MEGF6: variants seen among roughly 807,000 people sequenced by gnomAD.
The protein encoded by MEGF6 is multiple epidermal growth factor-like domains protein 6.
MEGF6 carries 184 observed loss-of-function variants against 207.1 expected under a neutral mutation model. The ratio of observed to expected loss-of-function variants is 0.89; its 90% confidence interval spans 0.79 to 1.00. The LOEUF is 1.00. MEGF6 is among the 50% of genes least tolerant of loss of function. The pLI is 0.00. For synonymous variants in MEGF6, 1,038 were observed against 910.0 expected (o/e 1.14, Z -2.53); for missense variants, 2,282 against 2,202.9 (o/e 1.04, Z -0.72).
intron 6 of MEGF6, 118 bp from the exon 7 acceptor site, chr1:3,514,790 A>G (rs1641480568): frequency 5.8e-6 from 7 of 1,202,050 alleles, no homozygotes; most frequent in Non-Finnish European, 7.9e-6. Flanking sequence ...TCTGTGCTCC[A>G]GGCTGATGGG....
chr1:3,583,943 C>T (rs541426645), intron 3 of MEGF6, among the ~76,000 whole-genome samples: 1 of 152,224 alleles, frequency 6.6e-6, no homozygotes, highest in African/African-American at 2.4e-5. Context: ...TGCAGCAGCC[C>T]GGCCTCCAGA....
Position 3,492,669 on chromosome 1 carries a change from CCA to C in MEGF6, c.4484_4485del (p.Val1495GlyfsTer71), listed in dbSNP as rs1412808605. 1.9e-6 allele frequency: 3 copies of C among 1,612,496 alleles called. No individual in the cohort carries two copies. The highest frequency in any genetic ancestry group is 1.3e-5 in the African/African-American group (1 of 74,910). On this transcript the variant is annotated frameshift_variant, in exon 35 of 37. Coordinates refer to ENST00000356575, the MANE Select transcript of MEGF6 (RefSeq NM_001409.4). LOFTEE classifies it high-confidence loss of function. Reference sequence around the variant, plus strand: ...CGGCACGTGGGCCCCATGTAGCCATCCACACAGTGACACTGCCCACTGACAGG... The same window carrying C: ...CGGCACGTGGGCCCCATGTAGCCATCCACAGTGACACTGCCCACTGACAGG... ...CDPVSGQCHC[V>X]DGYMGPTCRE... is the part of the protein sequence containing the mutation.
rs185308964 is a variant in MEGF6 at position 3,507,662 on chromosome 1, T to C, written c.1789+133A>G. 3.4e-6 allele frequency: 4 copies of C among 1,179,756 alleles called. No homozygotes were observed. The East Asian group carries it at 9.4e-5, about 28-fold the overall frequency. 73.1% of individuals were successfully genotyped at this position (1,179,756 alleles called of 1,614,324 possible). A position where few individuals can be genotyped will look rare whatever the true frequency, so the allele number is the denominator to read the frequency against. On this transcript the variant is annotated intron_variant, in intron 14 of 36. Coordinates refer to ENST00000356575, the MANE Select transcript of MEGF6 (RefSeq NM_001409.4). Reference sequence around the variant, plus strand: ...AGGGAGGCAGGAAGGAAAGGGAGTCTAGGAAAAGTTTGGTAGCAGTTTCCC... The same window carrying C: ...AGGGAGGCAGGAAGGAAAGGGAGTCCAGGAAAAGTTTGGTAGCAGTTTCCC...
At chr1:3,541,052 CG>C (rs928750634) in intron 4 of MEGF6, among the ~76,000 whole-genome samples, 3 of 152,160 alleles carry the variant, frequency 2.0e-5, no homozygotes, top group African/African-American at 7.2e-5. Flanking sequence ...GGTGTCAGGG[CG>C]GGGTGGGGCC....
intron 4 of MEGF6, among the ~76,000 whole-genome samples, chr1:3,534,317 T>A (rs1642262177): frequency 6.6e-6 from 1 of 152,248 alleles, no homozygotes; most frequent in Admixed American, 6.5e-5. Flanking sequence ...TTATGTTAAA[T>A]AAAATATACT....
intron 21 of MEGF6, 98 bp from the exon 22 acceptor site, chr1:3,500,022 G>A: frequency 7.0e-7 from 1 of 1,422,738 alleles, no homozygotes; most frequent in Non-Finnish European, 9.2e-7. Flanking sequence ...TGTGGGACAG[G>A]CCTGGCTCAT....
At position 3,511,550 on chromosome 1, in the gene MEGF6, C is replaced by T. The variant is rs750313582; in HGVS notation, c.1114G>A (p.Asp372Asn). Reference protein sequence around the residue: ...ELDTDQRTCIDVDDCADSPCC... With the variant: ...ELDTDQRTCINVDDCADSPCC... ...GCATCTGGGAGGAGCCAGTGCGCAC[C>T]GATGCAGGTCCTCTGATCTGTGTCC... is the stretch of plus-strand genomic sequence containing the variant. The change falls in exon 9 of 37, where the codon GAT (aspartate) becomes AAT (asparagine). Residue 372 changes from aspartate to asparagine, a missense_variant and splice_region_variant. By Grantham distance (23) the Asp-to-Asn change is conservative. Coordinates refer to ENST00000356575, the MANE Select transcript of MEGF6 (RefSeq NM_001409.4). The T allele has an allele frequency of 1.2e-5, 19 of 1,603,258 alleles. No homozygotes were observed. The highest frequency in any genetic ancestry group is 2.7e-5 in the African/African-American group (2 of 74,692).
In MEGF6 at chr1:3,501,774, TG is replaced by T. The variant is rs1640879248; in HGVS notation, c.2314+21del. ...GCCGTGCAGCCTGGGGAGGCGGAAC[TG>T]GGGCTGCGGCTGACACTCACCTGCC... On this transcript the variant is annotated intron_variant, in intron 18 of 36. Coordinates refer to ENST00000356575, the MANE Select transcript of MEGF6 (RefSeq NM_001409.4). 15 of 1,608,234 alleles carry T rather than the reference TG, an allele frequency of 9.3e-6. No homozygotes were observed. The East Asian group carries it at 3.4e-4, about 36-fold the overall frequency.
At chr1:3,515,354 G>A in intron 6 of MEGF6, 48 bp downstream of exon 6, 1 of 1,573,658 alleles carries the variant, frequency 6.4e-7, no homozygotes, top group Non-Finnish European at 8.6e-7. Flanking sequence ...GAGGCAGCTT[G>A]TCCTGCCTCC....
intron 29 of MEGF6, 88 bp downstream of exon 29, chr1:3,496,567 A>G: frequency 1.3e-6 from 2 of 1,523,736 alleles, no homozygotes; most frequent in Non-Finnish European, 1.8e-6. Context: ...GGAGGTGGGC[A>G]GTCGGGGGCC....
chr1:3,495,533 G>A lies in MEGF6; in HGVS notation c.3871+357C>T, dbSNP rs184002362. ...AAAGGGCCAGAAGGACTCCACCCTC[G>A]GGCAGAAGACAGCCACCCAATCCCT... On this transcript the variant is annotated intron_variant, in intron 30 of 36. Transcript: ENST00000356575. Among the ~76,000 whole-genome samples, 38 of 152,310 alleles carry A rather than the reference G, an allele frequency of 2.5e-4. 1 individual carries two copies. The highest frequency in any genetic ancestry group is 8.7e-4 in the African/African-American group (36 of 41,556).
chr1:3,605,184 TCACACACACCCA>T (rs1644225453), intron 1 of MEGF6, among the ~76,000 whole-genome samples: 2 of 150,002 alleles, frequency 1.3e-5, no homozygotes, highest in South Asian at 4.2e-4. Flanking sequence ...TCATACTCAG[TCACACACACCCA>T]CACACACAGT....
At chr1:3,546,281 C>G (rs570960701) in intron 4 of MEGF6, among the ~76,000 whole-genome samples, 1 of 152,358 alleles carries the variant, frequency 6.6e-6, no homozygotes, top group South Asian at 2.1e-4. Flanking sequence ...AGCCTGCCAG[C>G]CATGGTGGGG....
At chr1:3,527,399 T>G (rs897943942) in intron 4 of MEGF6, among the ~76,000 whole-genome samples, 3 of 151,976 alleles carry the variant, frequency 2.0e-5, no homozygotes, top group African/African-American at 7.3e-5. Flanking sequence ...GAGGCCAGGG[T>G]CTCTGCCTGG....
rs1226898523 is a variant in MEGF6, at chr1:3,531,227, G to T, written c.482-6981C>A. 2.7e-6 allele frequency: 4 copies of T among 1,478,078 alleles called. No individual in the cohort carries two copies. The South Asian group carries it at 5.3e-5, about 19-fold the overall frequency. The allele number at this position is 1,478,078 out of a possible 1,614,324, so 91.6% of individuals were successfully genotyped here. On this transcript the variant is annotated intron_variant, in intron 4 of 36. Transcript: ENST00000356575. ...AGGCACCAGAGCGCGGCCAGCCCGC[G>T]GTCCCGGGACGCCCCCATGGCCTGG...
intron 6 of MEGF6, 28 bp from the exon 7 acceptor site, chr1:3,514,700 TG>T: frequency 6.5e-7 from 1 of 1,546,252 alleles, no homozygotes; most frequent in Non-Finnish European, 8.7e-7. Context: ...AGGAGGGGGT[TG>T]GGGAGAGGGG....
intron 3 of MEGF6, among the ~76,000 whole-genome samples, chr1:3,581,648 G>A (rs1265348287): frequency 6.6e-6 from 1 of 152,176 alleles, no homozygotes; most frequent in Non-Finnish European, 1.5e-5. Flanking sequence ...TTGTCCTGAA[G>A]ACCTCTAGCC....
At chr1:3,570,941 G>T (rs1276940633) in intron 4 of MEGF6, among the ~76,000 whole-genome samples, 2 of 152,166 alleles carry the variant, frequency 1.3e-5, no homozygotes, top group South Asian at 2.1e-4. Flanking sequence ...CCCCAGGGAG[G>T]CTGTGGCACA....
In MEGF6 at chr1:3,513,295, T is replaced by C. The variant is rs535931930; in HGVS notation, c.854-1167A>G. ...GGTGCAATCATGGCTCACTGTAGCG[T>C]CAACCTCCTGGGCTCAAGTGATTCT... On this transcript the variant is annotated intron_variant, in intron 7 of 36. Coordinates refer to ENST00000356575, the MANE Select transcript of MEGF6 (RefSeq NM_001409.4). 2.6e-5 allele frequency among the ~76,000 whole-genome samples: 4 copies of C among 152,166 alleles called. No individual in the cohort carries two copies. The South Asian group carries it at 8.3e-4, about 32-fold the overall frequency.
Sources: gnomAD v4.1 joint callset for allele counts (sites outside exome capture counted in the v4.1 genomes callset) on GRCh38, gnomAD v4.1.1 for gene constraint, MANE v1.5 for transcripts, NCBI Gene and HGNC (gene_info 2026-07-23, HGNC 2026-07-21) for gene names.